ALG14: variants seen among roughly 807,000 people sequenced by gnomAD.
ALG14 encodes the protein ALG14 UDP-N-acetylglucosaminyltransferase subunit, also known as UDP-N-acetylglucosamine transferase subunit ALG14.
A neutral mutation model predicts 22.8 loss-of-function variants in ALG14; 17 were observed. The ratio of observed to expected loss-of-function variants is 0.75; its 90% CI spans 0.51 to 1.12. The LOEUF (loss-of-function observed/expected upper bound fraction) is 1.12, where lower values mean the gene tolerates loss of function less well. ALG14 is among the 50% of genes most tolerant of loss of function. The pLI is 0.00. For synonymous variants in ALG14, 89 were observed against 103.7 expected, an observed-to-expected ratio of 0.86 and a Z score of 0.86; for missense variants, 288 against 271.8, an observed-to-expected ratio of 1.06 and a Z score of -0.42.
intron 3 of ALG14, among the ~76,000 whole-genome samples, chr1:94,991,816 C>T (rs1250121145): frequency 3.3e-5 from 5 of 151,930 alleles, no homozygotes; most frequent in Non-Finnish European, 1.5e-5. Flanking sequence ...TAGTTTAAAA[C>T]ACACATTGTA....
At chr1:94,984,904 C>T (rs932987930) in intron 3 of ALG14, among the ~76,000 whole-genome samples, 6 of 152,296 alleles carry the variant, frequency 3.9e-5, no homozygotes, top group Admixed American at 3.3e-4. Flanking sequence ...TTTAATTAAT[C>T]GTCACAGCAA....
intron 3 of ALG14, among the ~76,000 whole-genome samples, chr1:94,995,856 C>G (rs1200135406): frequency 6.6e-6 from 1 of 152,186 alleles, no homozygotes; most frequent in Non-Finnish European, 1.5e-5. Flanking sequence ...ACACATTTCC[C>G]AAAATCCTAG....
intron 2 of ALG14, among the ~76,000 whole-genome samples, chr1:95,028,164 T>A (rs1673882597): frequency 6.6e-6 from 1 of 152,198 alleles, no homozygotes; most frequent in Non-Finnish European, 1.5e-5. Flanking sequence ...TTGGTTTTTT[T>A]TTGAGACAAG....
At position 95,026,716 on chromosome 1, in the gene ALG14, G is replaced by T. The variant is rs895176833; in HGVS notation, c.420+413C>A. ...GGCCGAGGCGGGCAGATTACTTGAG[G>T]TCAGGAGTTCAAGACCAGCCTGGAA... On this transcript the variant is annotated intron_variant, in intron 3 of 3. Coordinates refer to ENST00000370205, the MANE Select transcript of ALG14 (RefSeq NM_144988.4). Among the ~76,000 whole-genome samples the T allele has an allele frequency of 3.3e-5, 5 of 152,190 alleles. No individual in the cohort carries two copies. In the South Asian group the frequency reaches 1.0e-3, roughly 32 times the overall value.
intron 2 of ALG14, among the ~76,000 whole-genome samples, chr1:95,046,665 G>GT (rs1217385830): frequency 6.6e-6 from 1 of 152,172 alleles, no homozygotes; most frequent in Admixed American, 6.5e-5. Context: ...AAATTGGAAA[G>GT]TTATAAAAGT....
chr1:95,072,272 T>C (rs1454385221), intron 1 of ALG14, among the ~76,000 whole-genome samples: 1 of 152,230 alleles, frequency 6.6e-6, no homozygotes, highest in Non-Finnish European at 1.5e-5. Context: ...GGTCAGTGTG[T>C]TGCTCACACT....
Position 95,033,625 on chromosome 1 carries a change from T to C in ALG14, c.289-6365A>G, listed in dbSNP as rs188536645. On this transcript the variant is annotated intron_variant, in intron 2 of 3. Transcript: ENST00000370205. Reference sequence around the variant, plus strand: ...AACAAATCAACAGTAAAATCTATCATAGATTTCCTTCTAGATATGAAGATC... The same window carrying C: ...AACAAATCAACAGTAAAATCTATCACAGATTTCCTTCTAGATATGAAGATC... Among the ~76,000 whole-genome samples, 7 of 152,190 alleles carry C rather than the reference T, an allele frequency of 4.6e-5. No homozygotes were observed. The East Asian group carries it at 1.2e-3, about 25-fold the overall frequency.
chr1:94,982,098 A>C lies in ALG14; in HGVS notation c.*978T>G, dbSNP rs1414179890. The C allele has an allele frequency of 6.7e-6, 1 of 149,356 alleles. No individual in the cohort carries two copies. Among genetic ancestry groups the C allele is most frequent in the African/African-American group, 2.5e-5 (1 of 40,608 alleles). 9.3% of individuals were successfully genotyped at this position (149,356 alleles called of 1,614,324 possible). On this transcript the variant is annotated 3_prime_UTR_variant, in exon 4 of 4. Transcript: ENST00000370205. The stretch of plus-strand genomic sequence containing the variant: ...TCATCTGTAAAATGGGAATAATAAC[A>C]GTCCCTACATCATTGAGTTTTGTTT...
chr1:95,070,601 C>A (rs1276995107), intron 1 of ALG14, among the ~76,000 whole-genome samples: 3 of 152,216 alleles, frequency 2.0e-5, no homozygotes, highest in Non-Finnish European at 2.9e-5. Flanking sequence ...TCCCCAGACA[C>A]CCAATCTCAC....
rs761334440 is a variant in ALG14 at position 95,064,898 on chromosome 1, G to C, written c.256C>G (p.Leu86Val). Residue 86 changes from leucine (L) to valine (V), a missense_variant, in exon 2 of 4, where the codon CTA (leucine) becomes GTA (valine). Transcript: ENST00000370205. ...MSANKINSFE[L>V]DRADRDPSNM... ...CTAGGGTCTCTATCAGCTCGATCTA[G>C]TTCAAAAGAATTTATTTTATTGGCA... 6.2e-7 allele frequency: 1 copy of C among 1,613,886 alleles called. No homozygotes were observed. The highest frequency in any genetic ancestry group is 2.2e-5 in the East Asian group (1 of 44,886).
At chr1:95,021,931 A>G (rs1313818487) in intron 3 of ALG14, among the ~76,000 whole-genome samples, 2 of 152,198 alleles carry the variant, frequency 1.3e-5, no homozygotes, top group East Asian at 1.9e-4. Flanking sequence ...GGGAAAACAC[A>G]TTGGCTTTCA....
intron 2 of ALG14, among the ~76,000 whole-genome samples, chr1:95,034,069 A>G (rs1674107429): frequency 6.6e-6 from 1 of 152,108 alleles, no homozygotes; most frequent in Non-Finnish European, 1.5e-5. Context: ...TGTTCTTTGA[A>G]TGTGTCAGAC....
chr1:95,017,767 A>G (rs949254593), intron 3 of ALG14, among the ~76,000 whole-genome samples: 1 of 152,212 alleles, frequency 6.6e-6, no homozygotes, highest in Non-Finnish European at 1.5e-5. Context: ...GAATGACTCT[A>G]ATAGCCACAT....
chr1:95,020,354 A>G (rs949881314), intron 3 of ALG14, among the ~76,000 whole-genome samples: 2 of 152,192 alleles, frequency 1.3e-5, no homozygotes, highest in Non-Finnish European at 2.9e-5. Flanking sequence ...TAGAAAGACC[A>G]TGAAGGAGAG....
rs368855559 is a variant in ALG14 at position 94,982,699 on chromosome 1, C to CAAAAAAAAA, written c.*368_*376dup. The stretch of plus-strand genomic sequence containing the variant: ...TTCTTTTACAATGCAGAATACTTTA[C>CAAAAAAAAA]AAAAAAAAAAAAAAAAAAAAAAAGC... On this transcript the variant is annotated 3_prime_UTR_variant, in exon 4 of 4. Transcript: ENST00000370205. The CAAAAAAAAA allele has an allele frequency of 1.4e-4, 11 of 79,458 alleles. No homozygotes were observed. Among genetic ancestry groups the CAAAAAAAAA allele is most frequent in the South Asian group, 6.2e-4 (1 of 1,620 alleles). 4.9% of individuals were successfully genotyped at this position (79,458 alleles called of 1,614,324 possible).
intron 3 of ALG14, among the ~76,000 whole-genome samples, chr1:94,987,533 T>C (rs1439542769): frequency 1.3e-5 from 2 of 152,266 alleles, no homozygotes; most frequent in African/African-American, 4.8e-5. Context: ...GTCATGAGCA[T>C]AGATGAGCCA....
At chr1:94,989,004 A>G (rs1270477206) in intron 3 of ALG14, among the ~76,000 whole-genome samples, 1 of 152,160 alleles carries the variant, frequency 6.6e-6, no homozygotes, top group African/African-American at 2.4e-5. Context: ...ATATTAGTAA[A>G]GTTAGTTATA....
At chr1:95,063,248 T>C (rs889552181) in intron 2 of ALG14, among the ~76,000 whole-genome samples, 1 of 152,252 alleles carries the variant, frequency 6.6e-6, no homozygotes, top group South Asian at 2.1e-4. Flanking sequence ...GTAGGTTGTC[T>C]GTTCACTCTG....
chr1:94,999,187 C>G (rs1379365870), intron 3 of ALG14, among the ~76,000 whole-genome samples: 2 of 151,430 alleles, frequency 1.3e-5, no homozygotes, highest in African/African-American at 4.9e-5. Flanking sequence ...GAGCTTGTCC[C>G]AGAGGTCAAA....
Sources: allele counts gnomAD v4.1 joint callset (sites outside exome capture counted in the v4.1 genomes callset), GRCh38; gene constraint gnomAD v4.1.1; transcripts MANE v1.5; gene names NCBI Gene and HGNC (gene_info 2026-07-23, HGNC 2026-07-21).